Variants in PTPRD observed in about 807,000 individuals in gnomAD.
PTPRD encodes receptor-type tyrosine-protein phosphatase delta.
Under a neutral mutation model 214.5 loss-of-function variants are expected in PTPRD, and 34 were observed. That is an observed-to-expected ratio of 0.16 (90% CI 0.12 to 0.21). The LOEUF is 0.21. Ranked by LOEUF, PTPRD falls within the 10% of genes least tolerant of loss-of-function variation. The pLI is 1.00. For synonymous variants in PTPRD, 1,128 were observed against 845.7 expected, an observed-to-expected ratio of 1.33 and a Z score of -5.79; for missense variants, 2,545 against 2,398.7, an observed-to-expected ratio of 1.06 and a Z score of -1.27.
rs60568530 is a variant in PTPRD at position 9,079,558 on chromosome 9, T to C, written c.-142-60823A>G. 1.8e-3 allele frequency among the ~76,000 whole-genome samples: 271 copies of C among 152,070 alleles called. 2 individuals carry two copies. Among genetic ancestry groups the C allele is most frequent in the African/African-American group, 6.0e-3 (250 of 41,414 alleles). On this transcript the variant is annotated intron_variant, in intron 10 of 45. Coordinates refer to ENST00000381196, the MANE Select transcript of PTPRD (RefSeq NM_002839.4). ...AATATGTAGTTGCATTTGTAGTTGTTTGAGGAACCTTCATACTGTTCTCCA... is the reference window on the plus strand; with the variant it reads ...AATATGTAGTTGCATTTGTAGTTGTCTGAGGAACCTTCATACTGTTCTCCA...
rs559896109 is a variant in PTPRD, at chr9:9,219,013, G to T, written c.-202-35650C>A. On this transcript the variant is annotated intron_variant, in intron 9 of 45. Coordinates refer to ENST00000381196, the MANE Select transcript of PTPRD (RefSeq NM_002839.4). ...AATGAATATACTACAAGGAAAGGAA[G>T]GGGTACTTTGGTACACAATTTTTCC... Among the ~76,000 whole-genome samples the T allele has an allele frequency of 3.3e-5, 5 of 152,176 alleles. No homozygotes were observed. In the East Asian group the frequency reaches 9.7e-4, roughly 29 times the overall value.
intron 2 of PTPRD, among the ~76,000 whole-genome samples, chr9:10,587,084 A>G (rs1052846684): frequency 6.6e-6 from 1 of 152,126 alleles, no homozygotes; most frequent in Non-Finnish European, 1.5e-5. Flanking sequence ...AACAAATCAC[A>G]TGAGGTGTTA....
chr9:10,410,946 A>G (rs1273464389), intron 2 of PTPRD, among the ~76,000 whole-genome samples: 1 of 151,780 alleles, frequency 6.6e-6, no homozygotes, highest in African/African-American at 2.4e-5. Context: ...TCCAGGCATC[A>G]GTTCCTTATC....
chr9:9,060,044 G>A (rs564656345), intron 10 of PTPRD, among the ~76,000 whole-genome samples: 1 of 152,176 alleles, frequency 6.6e-6, no homozygotes, highest in East Asian at 1.9e-4. Flanking sequence ...TGTATTGTTG[G>A]CACTTGATAA....
At chr9:8,460,735 G>C (rs1384842526) in intron 32 of PTPRD, among the ~76,000 whole-genome samples, 164 bp from the exon 33 acceptor site, 1 of 151,998 alleles carries the variant, frequency 6.6e-6, no homozygotes, top group South Asian at 2.1e-4. Flanking sequence ...ATAAAGAAAA[G>C]AAAGGATGGA....
chr9:8,383,430 C>T (rs2085837890), intron 37 of PTPRD, among the ~76,000 whole-genome samples: 1 of 152,150 alleles, frequency 6.6e-6, no homozygotes, highest in Admixed American at 6.5e-5. Context: ...AGCATCTAAC[C>T]TGCATTCATT....
chr9:8,700,141 T>C (rs1465519749), intron 12 of PTPRD, among the ~76,000 whole-genome samples: 1 of 152,224 alleles, frequency 6.6e-6, no homozygotes, highest in Non-Finnish European at 1.5e-5. Context: ...TTTCACTCCC[T>C]TTTTAATCAA....
chr9:9,505,345 T>C (rs2096545528), intron 8 of PTPRD, among the ~76,000 whole-genome samples: 1 of 151,540 alleles, frequency 6.6e-6, no homozygotes, highest in South Asian at 2.1e-4. Flanking sequence ...TCAATCGTGT[T>C]GGTCTACTTT....
At chr9:8,485,349 A>G in intron 28 of PTPRD, 25 bp from the exon 29 acceptor site, 1 of 1,528,170 alleles carries the variant, frequency 6.5e-7, no homozygotes, top group Non-Finnish European at 9.1e-7. Flanking sequence ...AAAACAGTGT[A>G]TTTAAACTAT....
intron 9 of PTPRD, among the ~76,000 whole-genome samples, chr9:9,321,896 T>C (rs1266958453): frequency 6.6e-6 from 1 of 152,208 alleles, no homozygotes; most frequent in Non-Finnish European, 1.5e-5. Flanking sequence ...GTAATAGACC[T>C]AATTAACTTG....
chr9:8,765,538 G>C (rs59394488), intron 11 of PTPRD, among the ~76,000 whole-genome samples: 157 of 152,220 alleles, frequency 1.0e-3, no homozygotes, highest in African/African-American at 3.7e-3. Context: ...CAAAAGCCAA[G>C]TAGCAGAGCC....
intron 3 of PTPRD, among the ~76,000 whole-genome samples, chr9:10,231,106 G>A (rs1275851526): frequency 2.0e-5 from 3 of 151,974 alleles, no homozygotes; most frequent in African/African-American, 7.2e-5. Flanking sequence ...GCCAAATCTG[G>A]TAAGTCTTAG....
chr9:8,428,856 A>G (rs2031216), intron 35 of PTPRD, among the ~76,000 whole-genome samples: 76,905 of 152,074 alleles, frequency 0.51, 19,890 homozygotes, highest in East Asian at 0.74. Context: ...TGTTTTACTA[A>G]TGATGGTTCT....
At chr9:9,381,641 C>T (rs2062280911) in intron 9 of PTPRD, among the ~76,000 whole-genome samples, 1 of 152,030 alleles carries the variant, frequency 6.6e-6, no homozygotes, top group Admixed American at 6.6e-5. Flanking sequence ...GTGTGGGCCA[C>T]CACGCTCAGA....
intron 6 of PTPRD, among the ~76,000 whole-genome samples, chr9:9,736,743 GAGA>G (rs933487368): frequency 2.2e-4 from 34 of 152,064 alleles, no homozygotes; most frequent in African/African-American, 7.0e-4. Flanking sequence ...GTATTCATCT[GAGA>G]AGGTTTTTTT....
At chr9:10,200,930 A>C (rs1564486885) in intron 3 of PTPRD, among the ~76,000 whole-genome samples, 2 of 152,142 alleles carry the variant, frequency 1.3e-5, no homozygotes, top group Non-Finnish European at 2.9e-5. Flanking sequence ...ACAAGTTTGC[A>C]TTTATTAATC....
At chr9:10,554,766 T>A (rs572495130) in intron 2 of PTPRD, among the ~76,000 whole-genome samples, 1 of 152,316 alleles carries the variant, frequency 6.6e-6, no homozygotes, top group Admixed American at 6.5e-5. Context: ...CTTCACGCCA[T>A]TCTCCTGCCT....
intron 4 of PTPRD, among the ~76,000 whole-genome samples, chr9:9,984,508 T>C (rs754441543): frequency 9.9e-5 from 15 of 152,050 alleles, no homozygotes; most frequent in Non-Finnish European, 1.9e-4. Context: ...ACATTCAGAG[T>C]GCAGATTGGA....
intron 3 of PTPRD, among the ~76,000 whole-genome samples, chr9:10,068,704 A>G (rs1006415585): frequency 3.3e-5 from 5 of 151,826 alleles, no homozygotes; most frequent in Non-Finnish European, 7.4e-5. Context: ...TGCCTCTGCT[A>G]GGACTGAATC....
Sources: gnomAD v4.1 joint callset for allele counts (sites outside exome capture counted in the v4.1 genomes callset) on GRCh38, gnomAD v4.1.1 for gene constraint, MANE v1.5 for transcripts, NCBI Gene and HGNC (gene_info 2026-07-23, HGNC 2026-07-21) for gene names.